GALNT10: variants seen among roughly 807,000 people sequenced by gnomAD.
GALNT10 encodes the protein polypeptide N-acetylgalactosaminyltransferase 10.
Under a neutral mutation model 75.0 loss-of-function variants are expected in GALNT10, and 41 were observed. The ratio of observed to expected loss-of-function variants is 0.55; its 90% CI spans 0.43 to 0.71. The LOEUF (loss-of-function observed/expected upper bound fraction) is 0.71. GALNT10 is among the 30% of genes least tolerant of loss of function. The pLI is 0.00. For synonymous variants in GALNT10, 302 were observed against 313.0 expected (o/e 0.96, Z 0.37); for missense variants, 727 against 818.5 (o/e 0.89, Z 1.36).
chr5:154,263,878 G>A (rs1339057810), intron 1 of GALNT10, among the ~76,000 whole-genome samples: 1 of 152,124 alleles, frequency 6.6e-6, no homozygotes, highest in African/African-American at 2.4e-5. Flanking sequence ...CACTCATAAT[G>A]GGTACAGAGT....
chr5:154,326,793 T>TTA (rs1389357939), intron 3 of GALNT10, among the ~76,000 whole-genome samples: 1 of 151,788 alleles, frequency 6.6e-6, no homozygotes, highest in Non-Finnish European at 1.5e-5. Context: ...TCTTTAGGAG[T>TTA]GATGAAAATG....
Position 154,353,500 on chromosome 5 carries a change from G to A in GALNT10, c.569-22777G>A, listed in dbSNP as rs561092796. Among the ~76,000 whole-genome samples the A allele has an allele frequency of 7.2e-5, 11 of 152,316 alleles. No individual in the cohort carries two copies. In the East Asian group the frequency reaches 2.1e-3, roughly 29 times the overall value. On this transcript the variant is annotated intron_variant, in intron 4 of 11. Transcript: ENST00000297107. ...CACTGTGGCCAGTGGGAAGGAATGA[G>A]CAACGTCCCTCAGGCGCATTGGGTG...
At chr5:154,195,047 G>T (rs544695211) in intron 1 of GALNT10, among the ~76,000 whole-genome samples, 43 of 152,334 alleles carry the variant, frequency 2.8e-4, no homozygotes, top group African/African-American at 9.4e-4. Context: ...AGGATGTTCA[G>T]CCTTTGATCT....
chr5:154,301,562 G>GTTTTTTTTT (rs371007487), intron 3 of GALNT10, among the ~76,000 whole-genome samples: 2 of 129,676 alleles, frequency 1.5e-5, no homozygotes, highest in Non-Finnish European at 1.7e-5. Flanking sequence ...TTGTTTTTTT[G>GTTTTTTTTT]TTTTTTTTTT....
chr5:154,390,654 A>G (rs1488395496), intron 7 of GALNT10, among the ~76,000 whole-genome samples: 1 of 152,226 alleles, frequency 6.6e-6, no homozygotes, highest in Non-Finnish European at 1.5e-5. Context: ...GTCCCTGGCC[A>G]GAATCAGCCT....
At chr5:154,351,156 T>G (rs761377818) in intron 4 of GALNT10, among the ~76,000 whole-genome samples, 38 of 152,398 alleles carry the variant, frequency 2.5e-4, no homozygotes, top group Admixed American at 1.1e-3. Flanking sequence ...TCAATTGATG[T>G]GCATTACCTT....
intron 7 of GALNT10, among the ~76,000 whole-genome samples, chr5:154,393,440 G>A (rs1755951079): frequency 6.6e-6 from 1 of 152,118 alleles, no homozygotes; most frequent in Non-Finnish European, 1.5e-5. Context: ...GGGGGTGGGA[G>A]GTCTTCAAAG....
chr5:154,351,443 C>T (rs1755203383), intron 4 of GALNT10, among the ~76,000 whole-genome samples: 1 of 152,258 alleles, frequency 6.6e-6, no homozygotes, highest in Non-Finnish European at 1.5e-5. Flanking sequence ...GTGATAGAAT[C>T]ACAGAAGATT....
At chr5:154,405,077 A>C (rs985614129) in intron 8 of GALNT10, among the ~76,000 whole-genome samples, 4 of 151,740 alleles carry the variant, frequency 2.6e-5, no homozygotes, top group African/African-American at 9.7e-5. Context: ...GCTGGAAAGG[A>C]CCCCCGCACA....
At chr5:154,240,205 A>G (rs879517656) in intron 1 of GALNT10, among the ~76,000 whole-genome samples, 1 of 152,228 alleles carries the variant, frequency 6.6e-6, no homozygotes, top group Non-Finnish European at 1.5e-5. Context: ...ACAGACAGAC[A>G]CAAAAATAAC....
chr5:154,331,375 C>G (rs1350852344), intron 4 of GALNT10, among the ~76,000 whole-genome samples: 1 of 152,174 alleles, frequency 6.6e-6, no homozygotes, highest in African/African-American at 2.4e-5. Context: ...CATAGTCCTG[C>G]TGTTTGGCAG....
At chr5:154,221,536 A>G (rs1452009805) in intron 1 of GALNT10, among the ~76,000 whole-genome samples, 1 of 152,206 alleles carries the variant, frequency 6.6e-6, no homozygotes, top group Non-Finnish European at 1.5e-5. Flanking sequence ...GCCTCCAGCC[A>G]TGCCTGAAAT....
intron 1 of GALNT10, among the ~76,000 whole-genome samples, chr5:154,258,024 C>A (rs991610226): frequency 6.6e-6 from 1 of 152,048 alleles, no homozygotes; most frequent in Non-Finnish European, 1.5e-5. Flanking sequence ...ATAAATACGG[C>A]ATTTCTTTTC....
At chr5:154,356,178 T>C (rs1464843526) in intron 4 of GALNT10, 2 of 456,146 alleles carry the variant, frequency 4.4e-6, no homozygotes, top group Non-Finnish European at 8.8e-6. Flanking sequence ...CAACTCCCTC[T>C]CCCTTTGTGT....
intron 1 of GALNT10, among the ~76,000 whole-genome samples, chr5:154,276,558 A>T (rs547829765): frequency 1.6e-4 from 25 of 152,094 alleles, no homozygotes; most frequent in Non-Finnish European, 2.6e-4. Context: ...CTCAAAGGGG[A>T]GGGGATTATA....
intron 1 of GALNT10, among the ~76,000 whole-genome samples, chr5:154,243,227 T>C (rs1034560027): frequency 7.9e-5 from 12 of 152,238 alleles, no homozygotes; most frequent in African/African-American, 2.4e-4. Context: ...TACACTGTCA[T>C]TGATGGTATC....
intron 3 of GALNT10, among the ~76,000 whole-genome samples, chr5:154,300,251 A>C (rs1754340838): frequency 6.6e-6 from 1 of 152,208 alleles, no homozygotes; most frequent in African/African-American, 2.4e-5. Context: ...GTATGTGTTT[A>C]GCTCCTTGCA....
At chr5:154,278,783 T>A (rs964168503) in intron 1 of GALNT10, among the ~76,000 whole-genome samples, 7 of 152,226 alleles carry the variant, frequency 4.6e-5, no homozygotes, top group Admixed American at 2.0e-4. Flanking sequence ...CTCATATAAG[T>A]GGAATCATAC....
At chr5:154,253,584 A>G (rs906117734) in intron 1 of GALNT10, among the ~76,000 whole-genome samples, 4 of 152,118 alleles carry the variant, frequency 2.6e-5, no homozygotes, top group African/African-American at 7.2e-5. Context: ...AAAAATAACA[A>G]TTTAGTATGG....
Sources: allele counts gnomAD v4.1 joint callset (sites outside exome capture counted in the v4.1 genomes callset), GRCh38; gene constraint gnomAD v4.1.1; transcripts MANE v1.5; gene names NCBI Gene and HGNC (gene_info 2026-07-23, HGNC 2026-07-21).